The following ABL2 variants were observed in gnomAD, a reference collection of about 807,000 sequenced individuals.
ABL2 encodes tyrosine-protein kinase ABL2.
A neutral mutation model predicts 107.7 loss-of-function variants in ABL2; 49 were observed. The observed-to-expected ratio is 0.45, with a 90% CI of 0.36 to 0.58. The LOEUF is 0.58. Among genes scored for constraint, ABL2 ranks in the 20% least tolerant of loss-of-function variants. The probability of loss-of-function intolerance (pLI) is 0.00; values close to 1 mark genes in which losing one functional copy is unlikely to be tolerated. For synonymous variants in ABL2, 549 were observed against 548.6 expected, an observed-to-expected ratio of 1.00 and a Z score of -0.01; for missense variants, 1,245 against 1,457.0, an observed-to-expected ratio of 0.85 and a Z score of 2.37.
chr1:179,225,898 G>C (rs1663168179), intron 1 of ABL2, among the ~76,000 whole-genome samples: 1 of 151,656 alleles, frequency 6.6e-6, no homozygotes, highest in Non-Finnish European at 1.5e-5. Flanking sequence ...AAAAAAATTA[G>C]CCGGGCGTGG....
intron 1 of ABL2, among the ~76,000 whole-genome samples, chr1:179,134,727 T>G (rs1324842190): frequency 6.6e-6 from 1 of 151,736 alleles, no homozygotes. Flanking sequence ...CCTCTCCCTC[T>G]CCCTCTCCAC....
In ABL2 at chr1:179,100,430, A is replaced by G. The variant is rs16853669; in HGVS notation, c.*7288T>C. ...TTCTGAAACAACAATAAATTTGCAT[A>G]TTCTTTTTATTGTGTCATAATTGCT... On this transcript the variant is annotated 3_prime_UTR_variant, in exon 12 of 12. Coordinates refer to ENST00000502732, the MANE Select transcript of ABL2 (RefSeq NM_007314.4). 890 of 226,826 alleles carry G rather than the reference A, an allele frequency of 3.9e-3. 9 individuals carry two copies. The highest frequency in any genetic ancestry group is 0.019 in the African/African-American group (840 of 45,134). The allele number at this position is 226,826 out of a possible 1,614,324, so 14.1% of individuals were successfully genotyped here. A position where few individuals can be genotyped will look rare whatever the true frequency, so the allele number is the denominator to read the frequency against.
At chr1:179,150,901 G>A (rs1658318857) in intron 1 of ABL2, among the ~76,000 whole-genome samples, 1 of 152,126 alleles carries the variant, frequency 6.6e-6, no homozygotes, top group Non-Finnish European at 1.5e-5. Flanking sequence ...CCACCACCCT[G>A]ATCTCAGCAG....
At chr1:179,229,083 C>T (rs1258310874) in intron 1 of ABL2, among the ~76,000 whole-genome samples, 158 bp downstream of exon 1, 1 of 152,022 alleles carries the variant, frequency 6.6e-6, no homozygotes, top group Non-Finnish European at 1.5e-5. Context: ...GGGTGTGACT[C>T]GCCTCCCAGG....
chr1:179,194,895 A>C, intron 1 of ABL2, among the ~76,000 whole-genome samples: 1 of 152,234 alleles, frequency 6.6e-6, no homozygotes, highest in East Asian at 1.9e-4. Flanking sequence ...AAATGGGCAA[A>C]GGACTTAAAA....
At chr1:179,224,157 A>C (rs1011598944) in intron 1 of ABL2, among the ~76,000 whole-genome samples, 2 of 150,078 alleles carry the variant, frequency 1.3e-5, no homozygotes, top group African/African-American at 2.4e-5. Flanking sequence ...AAAAAAAAAA[A>C]ACTACAGATC....
At chr1:179,142,984 G>A in intron 1 of ABL2, 2 of 1,614,230 alleles carry the variant, frequency 1.2e-6, no homozygotes, top group Non-Finnish European at 1.7e-6. Context: ...AGGCAGCAAA[G>A]TGAAGTGTCC....
chr1:179,147,965 C>T (rs990234841), intron 1 of ABL2, among the ~76,000 whole-genome samples: 4 of 151,894 alleles, frequency 2.6e-5, no homozygotes, highest in Admixed American at 2.0e-4. Flanking sequence ...GCTTTGCAGA[C>T]GCTGTGTTTT....
intron 1 of ABL2, among the ~76,000 whole-genome samples, chr1:179,170,672 G>A (rs183521093): frequency 5.3e-5 from 8 of 152,210 alleles, no homozygotes; most frequent in African/African-American, 1.2e-4. Flanking sequence ...TCAGGTCACC[G>A]CAACCTCCAC....
In ABL2 at chr1:179,102,590, A is replaced by T. The variant is rs981704454; in HGVS notation, c.*5128T>A. On this transcript the variant is annotated 3_prime_UTR_variant, in exon 12 of 12. Coordinates refer to ENST00000502732, the MANE Select transcript of ABL2 (RefSeq NM_007314.4). ...CTTAGGGCACAGAGATGAACCCCAA[A>T]TCCAGGTGGAACAATTTAATGCAAG... 4.4e-6 allele frequency: 1 copy of T among 228,064 alleles called. No homozygotes were observed. The highest frequency in any genetic ancestry group is 2.2e-5 in the African/African-American group (1 of 45,200). 14.1% of individuals were successfully genotyped at this position (228,064 alleles called of 1,614,324 possible).
chr1:179,133,222 T>C (rs1656514989), intron 2 of ABL2, 90 bp downstream of exon 2: 1 of 1,575,922 alleles, frequency 6.3e-7, no homozygotes. Context: ...CTTGAATTTG[T>C]GGTTCCATTT....
chr1:179,185,596 T>A (rs576064540), intron 1 of ABL2, among the ~76,000 whole-genome samples: 100 of 152,320 alleles, frequency 6.6e-4, no homozygotes, highest in Admixed American at 2.0e-3. Flanking sequence ...TCAAACATCT[T>A]ATGATTCCAT....
intron 1 of ABL2, among the ~76,000 whole-genome samples, chr1:179,228,257 G>A (rs1241227667): frequency 6.6e-6 from 1 of 151,790 alleles, no homozygotes; most frequent in East Asian, 1.9e-4. Context: ...TGAGGCAGGA[G>A]AATCACTTGA....
intron 10 of ABL2, chr1:179,110,978 GGC>G: frequency 9.2e-7 from 1 of 1,082,648 alleles, no homozygotes; most frequent in Non-Finnish European, 1.3e-6. Context: ...TATTATTTTT[GGC>G]TTTTTTTTTT....
chr1:179,170,905 A>G (rs1659681896), intron 1 of ABL2, among the ~76,000 whole-genome samples: 1 of 151,540 alleles, frequency 6.6e-6, no homozygotes, highest in Admixed American at 6.6e-5. Context: ...TAATTTTTGT[A>G]TTTTTTAGTA....
At chr1:179,224,853 A>G (rs1334263980) in intron 1 of ABL2, among the ~76,000 whole-genome samples, 1 of 112,970 alleles carries the variant, frequency 8.9e-6, no homozygotes, top group Admixed American at 8.5e-5. Flanking sequence ...CCGTCTCTAC[A>G]AAAAAAAAAA....
chr1:179,173,792 A>G (rs990539312), intron 1 of ABL2, among the ~76,000 whole-genome samples: 2 of 152,206 alleles, frequency 1.3e-5, no homozygotes, highest in Admixed American at 6.5e-5. Context: ...ATTAAGTATT[A>G]TATCAATTAT....
chr1:179,228,693 T>C (rs999165318), intron 1 of ABL2, among the ~76,000 whole-genome samples: 1 of 152,174 alleles, frequency 6.6e-6, no homozygotes, highest in African/African-American at 2.4e-5. Flanking sequence ...TCAAAAGTGA[T>C]AAGATGATGC....
intron 1 of ABL2, among the ~76,000 whole-genome samples, chr1:179,202,202 CT>C (rs1661714332): frequency 1.3e-5 from 2 of 151,938 alleles, no homozygotes; most frequent in African/African-American, 2.4e-5. Context: ...ACTATTAATA[CT>C]TTTTCAGCAA....
Sources: allele counts gnomAD v4.1 joint callset (sites outside exome capture counted in the v4.1 genomes callset), GRCh38; gene constraint gnomAD v4.1.1; transcripts MANE v1.5; gene names NCBI Gene and HGNC (gene_info 2026-07-23, HGNC 2026-07-21).